The following SMAD9 variants were observed in gnomAD, a reference collection of about 807,000 sequenced individuals.
SMAD9 encodes SMAD family member 9.
SMAD9 carries 36 observed loss-of-function variants against 46.1 expected under a neutral mutation model. The ratio of observed to expected loss-of-function variants is 0.78; its 90% CI spans 0.60 to 1.03. The LOEUF (loss-of-function observed/expected upper bound fraction) is 1.03. SMAD9 is among the 50% of genes least tolerant of loss of function. SMAD9 has a pLI of 0.00. For missense variants in SMAD9, 572 were observed against 599.8 expected (o/e 0.95, Z 0.48); for synonymous variants, 245 against 237.1 (o/e 1.03, Z -0.31).
At chr13:36,876,034 C>G (rs1401424481) in intron 2 of SMAD9, among the ~76,000 whole-genome samples, 1 of 152,204 alleles carries the variant, frequency 6.6e-6, no homozygotes, top group African/African-American at 2.4e-5. Flanking sequence ...TAAATACTTT[C>G]ACTCACAACA....
intron 3 of SMAD9, 68 bp downstream of exon 3, chr13:36,872,590 G>A (rs1356208803): frequency 2.0e-6 from 3 of 1,518,984 alleles, no homozygotes; most frequent in Non-Finnish European, 2.7e-6. Context: ...CATTGTGACT[G>A]TTCATCATAA....
chr13:36,850,159 T>G (rs2058063248), intron 6 of SMAD9: 1 of 152,244 alleles, frequency 6.6e-6, no homozygotes, highest in African/African-American at 2.4e-5. Context: ...AATGATCAGC[T>G]CTCAGCCTTT....
chr13:36,860,450 C>T (rs1379215428), intron 5 of SMAD9, among the ~76,000 whole-genome samples: 3 of 143,846 alleles, frequency 2.1e-5, no homozygotes, highest in Non-Finnish European at 4.5e-5. Context: ...AATTTTTTTA[C>T]CTTTTTTTTT....
chr13:36,853,089 A>G (rs1431199984), intron 6 of SMAD9, among the ~76,000 whole-genome samples: 1 of 152,030 alleles, frequency 6.6e-6, no homozygotes, highest in Non-Finnish European at 1.5e-5. Flanking sequence ...GTTCAAGACC[A>G]CTCTGGCCAA....
At chr13:36,867,626 C>T (rs577443725) in intron 3 of SMAD9, among the ~76,000 whole-genome samples, 5 of 152,300 alleles carry the variant, frequency 3.3e-5, no homozygotes, top group African/African-American at 9.6e-5. Flanking sequence ...TTTGAGTTAT[C>T]ATTGAGTTCT....
At chr13:36,894,558 G>T (rs547729490) in intron 1 of SMAD9, among the ~76,000 whole-genome samples, 1 of 152,226 alleles carries the variant, frequency 6.6e-6, no homozygotes, top group East Asian at 1.9e-4. Flanking sequence ...AACAATTAAT[G>T]AGTAGCCCAA....
rs1004395552 is a variant in SMAD9 at position 36,845,372 on chromosome 13, A to G, written c.*3304T>C. Reference sequence around the variant, plus strand: ...ATGTGTTAAGTAGTGACATCTTTATAGTTCCAAAGCACTCGCAGCTATTAA... The same window carrying G: ...ATGTGTTAAGTAGTGACATCTTTATGGTTCCAAAGCACTCGCAGCTATTAA... On this transcript the variant is annotated 3_prime_UTR_variant, in exon 7 of 7. Transcript: ENST00000379826. 1.5e-4 allele frequency: 23 copies of G among 152,352 alleles called. No homozygotes were observed. Among genetic ancestry groups the G allele is most frequent in the African/African-American group, 5.0e-4 (21 of 41,586 alleles). 9.4% of individuals were successfully genotyped at this position (152,352 alleles called of 1,614,324 possible).
intron 1 of SMAD9, among the ~76,000 whole-genome samples, chr13:36,905,452 CG>C (rs2058611105): frequency 6.6e-6 from 1 of 151,886 alleles, no homozygotes; most frequent in Non-Finnish European, 1.5e-5. Context: ...GAACTGGAGC[CG>C]TTTTAAAAAT....
intron 1 of SMAD9, among the ~76,000 whole-genome samples, chr13:36,892,810 G>A (rs1328042): frequency 0.23 from 35,152 of 152,034 alleles, 4,176 homozygotes; most frequent in African/African-American, 0.26. Flanking sequence ...CTTTTAAGAA[G>A]AGAAAATGTG....
intron 1 of SMAD9, among the ~76,000 whole-genome samples, chr13:36,896,432 C>T (rs935329410): frequency 6.6e-6 from 1 of 152,110 alleles, no homozygotes; most frequent in African/African-American, 2.4e-5. Flanking sequence ...CAGACCCGGC[C>T]GATTTTTTAT....
chr13:36,857,254 TA>T (rs768289726), intron 5 of SMAD9, among the ~76,000 whole-genome samples: 17 of 152,216 alleles, frequency 1.1e-4, no homozygotes, highest in Admixed American at 7.9e-4. Context: ...TTCATTATTG[TA>T]ATTTAGTAGC....
intron 1 of SMAD9, among the ~76,000 whole-genome samples, chr13:36,898,950 C>A (rs2138621175): frequency 6.6e-6 from 1 of 151,980 alleles, no homozygotes; most frequent in Admixed American, 6.5e-5. Context: ...CAAATACAAG[C>A]ATAAAGATTA....
At position 36,847,008 on chromosome 13, in the gene SMAD9, C is replaced by G. The variant is rs970127291; in HGVS notation, c.*1668G>C. ...AATACATAGTTGATGAACCAATAAA[C>G]TACAGATTTTTCTATACACTACATG... is the stretch of plus-strand genomic sequence containing the variant. On this transcript the variant is annotated 3_prime_UTR_variant, in exon 7 of 7. Transcript: ENST00000379826. The G allele has an allele frequency of 3.3e-5, 5 of 152,104 alleles. No individual in the cohort carries two copies. The highest frequency in any genetic ancestry group is 1.2e-4 in the African/African-American group (5 of 41,422). The allele number at this position is 152,104 out of a possible 1,614,324, so 9.4% of individuals were successfully genotyped here. A position where few individuals can be genotyped will look rare whatever the true frequency, so the allele number is the denominator to read the frequency against.
At chr13:36,864,747 TG>T (rs1757666405) in intron 5 of SMAD9, among the ~76,000 whole-genome samples, 1 of 152,140 alleles carries the variant, frequency 6.6e-6, no homozygotes, top group African/African-American at 2.4e-5. Context: ...CATCACCAAA[TG>T]GAACAATGAA....
intron 3 of SMAD9, among the ~76,000 whole-genome samples, chr13:36,871,091 A>T (rs965498771): frequency 2.0e-5 from 3 of 152,048 alleles, no homozygotes; most frequent in African/African-American, 7.3e-5. Context: ...ATAAGGGGGG[A>T]CAACTACACC....
chr13:36,920,187 AGCG>A lies in SMAD9; in HGVS notation c.-261_-259del, dbSNP rs770040180. The A allele has an allele frequency of 0.02, 2,846 of 145,042 alleles. 40 individuals are homozygous for A. The highest frequency in any genetic ancestry group is 0.039 in the African/African-American group (1,311 of 33,698). The allele number at this position is 145,042 out of a possible 1,614,324, so 9.0% of individuals were successfully genotyped here. A position where few individuals can be genotyped will look rare whatever the true frequency, so the allele number is the denominator to read the frequency against. On this transcript the variant is annotated 5_prime_UTR_variant, in exon 1 of 7. Coordinates refer to ENST00000379826, the MANE Select transcript of SMAD9 (RefSeq NM_001127217.3). Reference sequence around the variant, plus strand: ...CGGGGACCGAGACAGCGGCTGCAGCAGCGGCGGCGGCGGCGGCGGCGGCGGCGG... The same window carrying A: ...CGGGGACCGAGACAGCGGCTGCAGCAGCGGCGGCGGCGGCGGCGGCGGCGG...
chr13:36,851,874 A>G (rs1013008052), intron 6 of SMAD9: 6 of 974,876 alleles, frequency 6.2e-6, no homozygotes, highest in Non-Finnish European at 7.3e-6. Context: ...GTTATTAGGA[A>G]AATCAGATTT....
rs2058247240 is a variant in SMAD9, at chr13:36,867,525, G to C, written c.671-142C>G. ...AGAGAGACCATATTAATGTAACAAG[G>C]CTCTTCTGAAGTGACACTGTGAGTA... On this transcript the variant is annotated intron_variant, in intron 3 of 6. Transcript: ENST00000379826. 2.2e-5 allele frequency: 12 copies of C among 553,966 alleles called. No homozygotes were observed. In the South Asian group the frequency reaches 3.2e-4, roughly 15 times the overall value. The allele number at this position is 553,966 out of a possible 1,614,324, so 34.3% of individuals were successfully genotyped here. A position where few individuals can be genotyped will look rare whatever the true frequency, so the allele number is the denominator to read the frequency against.
chr13:36,844,944 A>AGTT lies in SMAD9; in HGVS notation c.*3729_*3731dup, dbSNP rs991134160. 11 of 152,118 alleles carry AGTT rather than the reference A, an allele frequency of 7.2e-5. No individual in the cohort carries two copies. The highest frequency in any genetic ancestry group is 2.2e-4 in the African/African-American group (9 of 41,438). 9.4% of individuals were successfully genotyped at this position (152,118 alleles called of 1,614,324 possible). On this transcript the variant is annotated 3_prime_UTR_variant, in exon 7 of 7. Transcript: ENST00000379826. ...AAAGCATGACTTCACTCAAATAGAC[A>AGTT]GTTTCTTTGTTGTTGTTAATCTGTT...
Sources: allele counts gnomAD v4.1 joint callset (sites outside exome capture counted in the v4.1 genomes callset), GRCh38; gene constraint gnomAD v4.1.1; transcripts MANE v1.5; gene names NCBI Gene and HGNC (gene_info 2026-07-23, HGNC 2026-07-21).